Variants in EPC2 observed in about 807,000 individuals in gnomAD.
The protein encoded by EPC2 is enhancer of polycomb 2.
In EPC2, 14 loss-of-function variants were observed where a neutral mutation model predicts 92.1. The ratio of observed to expected loss-of-function variants is 0.15; its 90% CI spans 0.10 to 0.24. EPC2 has a LOEUF of 0.24. Among genes scored for constraint, EPC2 ranks in the 10% least tolerant of loss-of-function variants. The probability of loss-of-function intolerance (pLI) is 1.00; values close to 1 mark genes in which losing one functional copy is unlikely to be tolerated. For missense variants in EPC2, 755 were observed against 971.5 expected, an observed-to-expected ratio of 0.78 and a Z score of 2.96; for synonymous variants, 340 against 334.7, an observed-to-expected ratio of 1.02 and a Z score of -0.17.
At chr2:148,729,010 C>T (rs564734042) in intron 2 of EPC2, among the ~76,000 whole-genome samples, 14 of 113,666 alleles carry the variant, frequency 1.2e-4, no homozygotes, top group Admixed American at 6.7e-4. Flanking sequence ...CCAGCCTGGG[C>T]GACAGAGCGA....
In EPC2 at chr2:148,724,822, G is replaced by A. The variant is rs115719717; in HGVS notation, c.314-18800G>A. 7.2e-3 allele frequency among the ~76,000 whole-genome samples: 1,089 copies of A among 152,170 alleles called. 5 individuals are homozygous for A. The highest frequency in any genetic ancestry group is 0.025 in the African/African-American group (1,021 of 41,520). ...TCATATTGGGAGTTTAGGAATTTTA[G>A]TCCACTGACTATTGGAACCATTTCT... On this transcript the variant is annotated intron_variant, in intron 2 of 13. Coordinates refer to ENST00000258484, the MANE Select transcript of EPC2 (RefSeq NM_015630.4).
At chr2:148,661,835 T>C (rs976624160) in intron 1 of EPC2, among the ~76,000 whole-genome samples, 22 of 152,284 alleles carry the variant, frequency 1.4e-4, no homozygotes, top group African/African-American at 5.1e-4. Flanking sequence ...TTATAATTAG[T>C]GATGAATAGT....
At chr2:148,708,834 G>C (rs986448559) in intron 2 of EPC2, among the ~76,000 whole-genome samples, 1 of 152,132 alleles carries the variant, frequency 6.6e-6, no homozygotes, top group South Asian at 2.1e-4. Context: ...AGGCATTGAT[G>C]GAACATATCT....
intron 2 of EPC2, among the ~76,000 whole-genome samples, chr2:148,726,056 A>C (rs1174009153): frequency 6.6e-6 from 1 of 152,176 alleles, no homozygotes. Context: ...GGAATCATGC[A>C]GTATTTGTCT....
intron 1 of EPC2, chr2:148,645,494 T>C (rs1683779365): frequency 3.4e-6 from 1 of 294,430 alleles, no homozygotes; most frequent in Non-Finnish European, 6.4e-6. Context: ...CTGTTTACCT[T>C]TCCACCTCCC....
chr2:148,718,492 A>T (rs966899309), intron 2 of EPC2, among the ~76,000 whole-genome samples: 2 of 152,152 alleles, frequency 1.3e-5, no homozygotes, highest in African/African-American at 4.8e-5. Flanking sequence ...TCCTTTGCTT[A>T]TGAAGCTTAG....
At chr2:148,666,330 A>T (rs972265514) in intron 1 of EPC2, among the ~76,000 whole-genome samples, 2 of 151,936 alleles carry the variant, frequency 1.3e-5, no homozygotes, top group East Asian at 3.9e-4. Context: ...TTTTGTAGAG[A>T]TGAGGGTCTT....
At chr2:148,660,676 C>G (rs1342773882) in intron 1 of EPC2, among the ~76,000 whole-genome samples, 1 of 151,056 alleles carries the variant, frequency 6.6e-6, no homozygotes, top group Non-Finnish European at 1.5e-5. Flanking sequence ...TTCCTTAGAA[C>G]TTTTGTAGTT....
At chr2:148,754,453 C>T (rs1217226804) in intron 4 of EPC2, among the ~76,000 whole-genome samples, 1 of 152,124 alleles carries the variant, frequency 6.6e-6, no homozygotes, top group Non-Finnish European at 1.5e-5. Context: ...AATTTAGTGT[C>T]CTTATGCACC....
intron 10 of EPC2, 61 bp from the exon 11 acceptor site, chr2:148,781,583 G>A (rs1683749541): frequency 6.8e-7 from 1 of 1,472,580 alleles, no homozygotes; most frequent in Non-Finnish European, 9.3e-7. Flanking sequence ...ATCATATTCT[G>A]CTTGTGTTAT....
intron 2 of EPC2, among the ~76,000 whole-genome samples, chr2:148,701,402 A>G (rs1284226123): frequency 1.3e-5 from 2 of 152,172 alleles, no homozygotes; most frequent in East Asian, 3.8e-4. Flanking sequence ...TTTTCTGTAA[A>G]AGTTCTTTAT....
intron 2 of EPC2, among the ~76,000 whole-genome samples, chr2:148,714,343 T>C (rs1422159663): frequency 6.6e-6 from 1 of 152,216 alleles, no homozygotes; most frequent in East Asian, 1.9e-4. Flanking sequence ...ATTCCATGTC[T>C]TTGGTATTGT....
At chr2:148,755,548 C>A (rs1463926564) in intron 4 of EPC2, among the ~76,000 whole-genome samples, 1 of 152,092 alleles carries the variant, frequency 6.6e-6, no homozygotes, top group Non-Finnish European at 1.5e-5. Flanking sequence ...TAATACTGTA[C>A]TTTTACTGTA....
chr2:148,733,240 A>G (rs559949711), intron 2 of EPC2, among the ~76,000 whole-genome samples: 4 of 151,922 alleles, frequency 2.6e-5, no homozygotes, highest in East Asian at 3.9e-4. Context: ...AAAGAGTGAA[A>G]TCTTGAAAAT....
At chr2:148,759,485 AT>A (rs1683259210) in intron 4 of EPC2, among the ~76,000 whole-genome samples, 1 of 152,372 alleles carries the variant, frequency 6.6e-6, no homozygotes, top group East Asian at 1.9e-4. Flanking sequence ...TAGTGGGACA[AT>A]TGTTGAAATA....
intron 1 of EPC2, among the ~76,000 whole-genome samples, chr2:148,647,241 A>G (rs1683822207): frequency 6.6e-6 from 1 of 152,232 alleles, no homozygotes; most frequent in Admixed American, 6.5e-5. Context: ...TAATTTAGTA[A>G]GATAACTTAG....
At position 148,786,416 on chromosome 2, in the gene EPC2, A is replaced by G. The variant is rs1179601356; in HGVS notation, c.*39A>G. 3.3e-6 allele frequency: 5 copies of G among 1,525,008 alleles called. No homozygotes were observed. In the African/African-American group the frequency reaches 4.1e-5, roughly 13 times the overall value. 94.5% of individuals were successfully genotyped at this position (1,525,008 alleles called of 1,614,324 possible). On this transcript the variant is annotated 3_prime_UTR_variant, in exon 14 of 14. Transcript: ENST00000258484. ...GCTCTGACCTGTGCTGATGGTGTGC[A>G]GTCATTCATATTCCAGCTGAATGCA...
chr2:148,721,957 T>C (rs889938391), intron 2 of EPC2, among the ~76,000 whole-genome samples: 1 of 150,846 alleles, frequency 6.6e-6, no homozygotes, highest in African/African-American at 2.4e-5. Flanking sequence ...TTGCATGTTG[T>C]CTGTTTTTTC....
rs968610717 is a variant in EPC2, at chr2:148,786,758, A to G, written c.*381A>G. The G allele has an allele frequency of 6.5e-6, 1 of 154,504 alleles. No homozygotes were observed. Among genetic ancestry groups the G allele is most frequent in the African/African-American group, 2.4e-5 (1 of 41,540 alleles). 9.6% of individuals were successfully genotyped at this position (154,504 alleles called of 1,614,324 possible). ...CCATGTTTACATTTTGTATCTTGTA[A>G]AAATAAATCCAACTTTGTGTCTAAA... is the stretch of plus-strand genomic sequence containing the variant. On this transcript the variant is annotated 3_prime_UTR_variant, in exon 14 of 14. Coordinates refer to ENST00000258484, the MANE Select transcript of EPC2 (RefSeq NM_015630.4).
Sources: allele counts gnomAD v4.1 joint callset (sites outside exome capture counted in the v4.1 genomes callset), GRCh38; gene constraint gnomAD v4.1.1; transcripts MANE v1.5; gene names NCBI Gene and HGNC (gene_info 2026-07-23, HGNC 2026-07-21).